ZNF804B: variants seen among roughly 807,000 people sequenced by gnomAD.
The protein encoded by ZNF804B is zinc finger protein 804B, also known as zinc finger 804B.
A neutral mutation model predicts 101.4 loss-of-function variants in ZNF804B; 80 were observed. That is an observed-to-expected ratio of 0.79 (90% CI 0.66 to 0.95). ZNF804B has a LOEUF of 0.95. Among genes scored for constraint, ZNF804B ranks in the 40% least tolerant of loss-of-function variants. The pLI, the probability that ZNF804B is intolerant of heterozygous loss-of-function variation, is 0.00. For synonymous variants in ZNF804B, 622 were observed against 558.8 expected (o/e 1.11, Z -1.59); for missense variants, 1,673 against 1,561.9 (o/e 1.07, Z -1.20).
rs573963907 is a variant in ZNF804B, at chr7:88,877,839, T to G, written c.108+117755T>G. Reference sequence around the variant, plus strand: ...AGAGCCAATATTTCTATAAACTGTATTGTTTTGGAATTAAATGAAAAGTTG... The same window carrying G: ...AGAGCCAATATTTCTATAAACTGTAGTGTTTTGGAATTAAATGAAAAGTTG... On this transcript the variant is annotated intron_variant, in intron 1 of 3. Transcript: ENST00000333190. Among the ~76,000 whole-genome samples, 96 of 152,260 alleles carry G rather than the reference T, an allele frequency of 6.3e-4. No homozygotes were observed. The South Asian group carries it at 0.019, about 31-fold the overall frequency.
At chr7:89,022,329 T>A (rs977273868) in intron 1 of ZNF804B, among the ~76,000 whole-genome samples, 3 of 152,200 alleles carry the variant, frequency 2.0e-5, no homozygotes, top group African/African-American at 7.2e-5. Flanking sequence ...GACTTTACAT[T>A]ACGAACTTTT....
chr7:89,229,947 A>G (rs6970531), intron 2 of ZNF804B, among the ~76,000 whole-genome samples: 43,806 of 152,060 alleles, frequency 0.29, 6,518 homozygotes, highest in Non-Finnish European at 0.32. Flanking sequence ...AAAACACACG[A>G]ATTAAATAAA....
At chr7:88,987,215 T>C (rs545688847) in intron 1 of ZNF804B, among the ~76,000 whole-genome samples, 1 of 152,252 alleles carries the variant, frequency 6.6e-6, no homozygotes, top group East Asian at 1.9e-4. Context: ...GAGTGAATAC[T>C]GTAGAGCTTG....
chr7:88,812,704 A>C (rs1790808401), intron 1 of ZNF804B, among the ~76,000 whole-genome samples: 1 of 152,182 alleles, frequency 6.6e-6, no homozygotes, highest in African/African-American at 2.4e-5. Context: ...ACATATACAC[A>C]ATATTATTCA....
chr7:89,056,834 T>A (rs141072941), intron 1 of ZNF804B, among the ~76,000 whole-genome samples: 1 of 152,080 alleles, frequency 6.6e-6, no homozygotes, highest in Non-Finnish European at 1.5e-5. Flanking sequence ...ACTAAGACTC[T>A]GGGTTGCAAC....
chr7:89,302,613 T>C (rs801812), intron 2 of ZNF804B, among the ~76,000 whole-genome samples: 23 of 152,056 alleles, frequency 1.5e-4, no homozygotes, highest in African/African-American at 5.5e-4. Context: ...ATAATTTCAA[T>C]TCATAGCTTC....
At chr7:88,930,131 A>C (rs1792861303) in intron 1 of ZNF804B, among the ~76,000 whole-genome samples, 1 of 151,926 alleles carries the variant, frequency 6.6e-6, no homozygotes, top group South Asian at 2.1e-4. Flanking sequence ...TAGGAGGTGA[A>C]TTATAGGTAT....
At chr7:88,820,495 T>G (rs1790959868) in intron 1 of ZNF804B, among the ~76,000 whole-genome samples, 1 of 152,174 alleles carries the variant, frequency 6.6e-6, no homozygotes, top group African/African-American at 2.4e-5. Context: ...CCCTTTCTCA[T>G]AGGAACGTTG....
At chr7:89,155,848 TA>T (rs1414281500) in intron 1 of ZNF804B, among the ~76,000 whole-genome samples, 1 of 152,096 alleles carries the variant, frequency 6.6e-6, no homozygotes, top group Non-Finnish European at 1.5e-5. Flanking sequence ...TTGTCTTTTC[TA>T]AAAAATTCCT....
At chr7:88,827,366 C>T (rs1042373831) in intron 1 of ZNF804B, among the ~76,000 whole-genome samples, 51 of 150,554 alleles carry the variant, frequency 3.4e-4, no homozygotes, top group Admixed American at 2.5e-3. Flanking sequence ...AAACATTCAG[C>T]TTAAAATATT....
chr7:89,244,159 C>T (rs916378446), intron 2 of ZNF804B, among the ~76,000 whole-genome samples: 10 of 151,980 alleles, frequency 6.6e-5, no homozygotes, highest in African/African-American at 2.4e-4. Flanking sequence ...CAAGTCTGCA[C>T]ATTTATAATG....
At chr7:88,944,836 C>G (rs1204234196) in intron 1 of ZNF804B, among the ~76,000 whole-genome samples, 1 of 151,726 alleles carries the variant, frequency 6.6e-6, no homozygotes, top group Non-Finnish European at 1.5e-5. Context: ...ATAATTAGTA[C>G]TTAACACAAA....
At chr7:89,261,663 A>G (rs920305065) in intron 2 of ZNF804B, among the ~76,000 whole-genome samples, 4 of 152,248 alleles carry the variant, frequency 2.6e-5, no homozygotes, top group African/African-American at 9.6e-5. Context: ...TATATGGTAT[A>G]GCCTGTTATC....
chr7:89,056,789 A>G (rs1238125611), intron 1 of ZNF804B, among the ~76,000 whole-genome samples: 1 of 152,164 alleles, frequency 6.6e-6, no homozygotes, highest in Non-Finnish European at 1.5e-5. Flanking sequence ...TAACAAGAAT[A>G]GGTTCATTGC....
intron 1 of ZNF804B, among the ~76,000 whole-genome samples, chr7:88,805,259 A>G (rs1028220070): frequency 6.6e-6 from 1 of 152,214 alleles, no homozygotes; most frequent in African/African-American, 2.4e-5. Flanking sequence ...TTAGAACTTT[A>G]AAATGTATTT....
chr7:89,008,178 A>G (rs1181483166), intron 1 of ZNF804B, among the ~76,000 whole-genome samples: 1 of 152,134 alleles, frequency 6.6e-6, no homozygotes, highest in Non-Finnish European at 1.5e-5. Context: ...TGATTTCCAA[A>G]TCTTAGACAT....
At chr7:89,158,634 CG>C (rs1791013459) in intron 1 of ZNF804B, among the ~76,000 whole-genome samples, 1 of 152,052 alleles carries the variant, frequency 6.6e-6, no homozygotes, top group African/African-American at 2.4e-5. Flanking sequence ...TAGTTTTTCT[CG>C]ATGAATTATA....
intron 2 of ZNF804B, among the ~76,000 whole-genome samples, chr7:89,319,578 C>A (rs38959): frequency 1.8e-4 from 27 of 152,008 alleles, no homozygotes; most frequent in Non-Finnish European, 3.2e-4. Context: ...CCTGTTTACG[C>A]GTGAAAACAT....
intron 1 of ZNF804B, among the ~76,000 whole-genome samples, chr7:89,190,826 C>T (rs990709048): frequency 6.6e-6 from 1 of 152,166 alleles, no homozygotes; most frequent in East Asian, 1.9e-4. Flanking sequence ...GATTTTTACT[C>T]GCTGAAGGCT....
Sources: allele counts gnomAD v4.1 joint callset (sites outside exome capture counted in the v4.1 genomes callset), GRCh38; gene constraint gnomAD v4.1.1; transcripts MANE v1.5; gene names NCBI Gene and HGNC (gene_info 2026-07-23, HGNC 2026-07-21).